The following CGNL1 variants were observed in gnomAD, a reference collection of about 807,000 sequenced individuals.
CGNL1 encodes the protein cingulin like 1, also known as cingulin-like protein 1.
A neutral mutation model predicts 141.2 loss-of-function variants in CGNL1; 132 were observed. That is an observed-to-expected ratio of 0.93 (90% CI 0.81 to 1.08). CGNL1 has a LOEUF of 1.08. CGNL1 is among the 50% of genes least tolerant of loss of function. The pLI is 0.00. For missense variants in CGNL1, 1,870 were observed against 1,588.6 expected (o/e 1.18, Z -3.01); for synonymous variants, 690 against 622.1 (o/e 1.11, Z -1.63).
At chr15:57,436,231 C>G (rs1210031897) in intron 1 of CGNL1, among the ~76,000 whole-genome samples, 1 of 152,128 alleles carries the variant, frequency 6.6e-6, no homozygotes, top group Non-Finnish European at 1.5e-5. Flanking sequence ...AGCTTAAGTA[C>G]CCTATTTTCC....
chr15:57,423,621 T>G (rs534210445), intron 1 of CGNL1, among the ~76,000 whole-genome samples: 1 of 152,324 alleles, frequency 6.6e-6, no homozygotes, highest in East Asian at 1.9e-4. Flanking sequence ...CTTTGCCTGC[T>G]TAATGGTAGC....
At chr15:57,510,283 A>G (rs2030159983) in intron 8 of CGNL1, among the ~76,000 whole-genome samples, 2 of 152,210 alleles carry the variant, frequency 1.3e-5, no homozygotes, top group Non-Finnish European at 2.9e-5. Flanking sequence ...CTAGGTGGGC[A>G]ACTTCATCCC....
intron 14 of CGNL1, among the ~76,000 whole-genome samples, chr15:57,533,136 T>G (rs1019811194): frequency 2.6e-5 from 4 of 152,212 alleles, no homozygotes; most frequent in Non-Finnish European, 1.5e-5. Flanking sequence ...GGGATACTCA[T>G]GCTCCTTTGC....
At position 57,504,127 on chromosome 15, in the gene CGNL1, GATA is replaced by G. The variant is rs542810751; in HGVS notation, c.2404-12650_2404-12648del. Among the ~76,000 whole-genome samples the G allele has an allele frequency of 7.4e-4, 113 of 152,276 alleles. 1 individual carries two copies. Among genetic ancestry groups the G allele is most frequent in the African/African-American group, 2.4e-3 (101 of 41,544 alleles). Reference sequence around the variant, plus strand: ...TTGATGAAAGCAGGGTGATGATGATGATAATGATGATGAGGGTTAGCAGAATCA... The same window carrying G: ...TTGATGAAAGCAGGGTGATGATGATGATGATGATGAGGGTTAGCAGAATCA... On this transcript the variant is annotated intron_variant, in intron 8 of 18. Transcript: ENST00000281282.
At chr15:57,448,648 A>G (rs2063286236) in intron 4 of CGNL1, among the ~76,000 whole-genome samples, 1 of 152,110 alleles carries the variant, frequency 6.6e-6, no homozygotes, top group African/African-American at 2.4e-5. Flanking sequence ...ACTCTGTCTC[A>G]AAAGAAAAAA....
chr15:57,544,523 C>T lies in CGNL1; in HGVS notation c.3426C>T (p.Ser1142=), dbSNP rs145520145. The part of the protein sequence containing the change: ...RIIHLEGSYR[S]SKEGLVVQME... ...TCCACCTGGAAGGTTCCTACAGGTCCAGCAAAGAGGGGCTGGTTGTGCAGA... is the reference window on the plus strand; with the variant it reads ...TCCACCTGGAAGGTTCCTACAGGTCTAGCAAAGAGGGGCTGGTTGTGCAGA... Residue 1142 remains serine, a synonymous_variant, in exon 16 of 19, where the codon TCC becomes TCT. Transcript: ENST00000281282. 5.6e-6 allele frequency: 9 copies of T among 1,613,100 alleles called. No homozygotes were observed. In the African/African-American group the frequency reaches 1.1e-4, roughly 19 times the overall value.
chr15:57,424,715 A>G (rs1361864211), intron 1 of CGNL1, among the ~76,000 whole-genome samples: 1 of 152,212 alleles, frequency 6.6e-6, no homozygotes, highest in East Asian at 1.9e-4. Flanking sequence ...AAGACCCAAC[A>G]GTTTTATGGC....
intron 16 of CGNL1, 127 bp downstream of exon 16, chr15:57,544,724 C>A: frequency 9.0e-7 from 1 of 1,108,896 alleles, no homozygotes; most frequent in Non-Finnish European, 1.3e-6. Context: ...AGCAACTACA[C>A]CCTTACTTTT....
chr15:57,543,601 G>A, intron 14 of CGNL1, 95 bp from the exon 15 acceptor site: 8 of 1,084,252 alleles, frequency 7.4e-6, no homozygotes, highest in South Asian at 1.3e-5. Flanking sequence ...CCTTCATAAA[G>A]TGGAGGTTGA....
intron 3 of CGNL1, 30 bp from the exon 4 acceptor site, chr15:57,442,343 T>C (rs1479646737): frequency 7.2e-7 from 1 of 1,395,776 alleles, no homozygotes; most frequent in Non-Finnish European, 1.0e-6. Context: ...GTTGTGTCCC[T>C]CATTGTTTTC....
At chr15:57,385,960 T>C (rs2062478304) in intron 1 of CGNL1, among the ~76,000 whole-genome samples, 1 of 152,200 alleles carries the variant, frequency 6.6e-6, no homozygotes, top group African/African-American at 2.4e-5. Flanking sequence ...ACGGTAGCTC[T>C]TTTTAACATC....
chr15:57,495,537 C>T (rs1223539988), intron 8 of CGNL1, among the ~76,000 whole-genome samples: 4 of 152,136 alleles, frequency 2.6e-5, no homozygotes, highest in African/African-American at 9.7e-5. Flanking sequence ...CCCCTTTGAC[C>T]TAGGAACACC....
At chr15:57,530,973 G>C (rs537951672) in intron 13 of CGNL1, among the ~76,000 whole-genome samples, 2 of 152,190 alleles carry the variant, frequency 1.3e-5, no homozygotes. Flanking sequence ...CTGGTGACAG[G>C]AGAAACACGT....
At chr15:57,441,865 G>A (rs2063191277) in intron 3 of CGNL1, among the ~76,000 whole-genome samples, 1 of 152,148 alleles carries the variant, frequency 6.6e-6, no homozygotes, top group Non-Finnish European at 1.5e-5. Context: ...ACAAAGGGCT[G>A]CCATGCTGAT....
At chr15:57,476,336 A>G (rs74016218) in intron 8 of CGNL1, among the ~76,000 whole-genome samples, 5,270 of 152,232 alleles carry the variant, frequency 0.035, 192 homozygotes, top group African/African-American at 0.092. Context: ...GAACCAAAGT[A>G]TGTCTTGTTC....
intron 8 of CGNL1, among the ~76,000 whole-genome samples, chr15:57,491,000 A>G (rs910058086): frequency 2.0e-5 from 3 of 152,164 alleles, no homozygotes; most frequent in East Asian, 1.9e-4. Flanking sequence ...GAGTCTGAGG[A>G]GCCGTCACAG....
chr15:57,436,724 A>G (rs2063110241), intron 1 of CGNL1, among the ~76,000 whole-genome samples: 1 of 152,238 alleles, frequency 6.6e-6, no homozygotes, highest in South Asian at 2.1e-4. Flanking sequence ...AGAACTCAGT[A>G]AAGTTGAAAA....
chr15:57,448,566 T>G (rs2063284765), intron 4 of CGNL1, among the ~76,000 whole-genome samples: 3 of 152,036 alleles, frequency 2.0e-5, no homozygotes, highest in African/African-American at 7.2e-5. Flanking sequence ...GAGAATTGTT[T>G]GAACCCAGAA....
At chr15:57,517,197 C>T (rs528789774) in intron 9 of CGNL1, among the ~76,000 whole-genome samples, 33 of 152,144 alleles carry the variant, frequency 2.2e-4, no homozygotes, top group South Asian at 1.9e-3. Context: ...TGAGGTCAGG[C>T]GGGAACACAG....
Sources: gnomAD v4.1 joint callset for allele counts (sites outside exome capture counted in the v4.1 genomes callset) on GRCh38, gnomAD v4.1.1 for gene constraint, MANE v1.5 for transcripts, NCBI Gene and HGNC (gene_info 2026-07-23, HGNC 2026-07-21) for gene names.